Variants in LRFN5 observed in about 807,000 individuals in gnomAD.
LRFN5 encodes the protein leucine rich repeat and fibronectin type III domain containing 5.
In LRFN5, 24 loss-of-function variants were observed where a neutral mutation model predicts 45.6. That is an observed-to-expected ratio of 0.53 (90% CI 0.38 to 0.74). The LOEUF is 0.74. LRFN5 is among the 30% of genes least tolerant of loss of function. LRFN5 has a pLI of 0.00. For missense variants in LRFN5, 776 were observed against 861.5 expected (o/e 0.90, Z 1.24); for synonymous variants, 340 against 313.8 (o/e 1.08, Z -0.88).
At chr14:41,804,441 T>G (rs139824850) in intron 2 of LRFN5, among the ~76,000 whole-genome samples, 1,785 of 152,172 alleles carry the variant, frequency 0.012, 26 homozygotes, top group African/African-American at 0.041. Flanking sequence ...AATAGTGATA[T>G]TACCTGCAGG....
chr14:41,896,997 CAGG>C (rs1890961835), intron 4 of LRFN5, among the ~76,000 whole-genome samples: 1 of 151,692 alleles, frequency 6.6e-6, no homozygotes, highest in Admixed American at 6.6e-5. Flanking sequence ...GAGGCTGAGG[CAGG>C]AGAATCACTT....
intron 2 of LRFN5, among the ~76,000 whole-genome samples, chr14:41,775,027 A>C (rs138239189): frequency 2.0e-3 from 307 of 152,158 alleles, no homozygotes; most frequent in East Asian, 4.3e-3. Context: ...GTAGTAATAC[A>C]ATAAAAGTCC....
chr14:41,782,076 A>C (rs969024032), intron 2 of LRFN5, among the ~76,000 whole-genome samples: 2 of 152,152 alleles, frequency 1.3e-5, no homozygotes, highest in Admixed American at 6.5e-5. Flanking sequence ...TTAATTTAAA[A>C]AAAATTATTG....
chr14:41,898,798 T>C (rs1891018279), intron 4 of LRFN5, 119 bp from the exon 5 acceptor site: 1 of 927,978 alleles, frequency 1.1e-6, no homozygotes. Flanking sequence ...AAAAAATCTT[T>C]AGATAAATCT....
chr14:41,670,300 T>G (rs1479340595), intron 1 of LRFN5, among the ~76,000 whole-genome samples: 1 of 27,826 alleles, frequency 3.6e-5, no homozygotes, highest in Non-Finnish European at 6.6e-5. Flanking sequence ...TATATATATA[T>G]ATATACACAC....
intron 2 of LRFN5, among the ~76,000 whole-genome samples, chr14:41,786,793 A>G (rs1054720185): frequency 2.0e-5 from 3 of 150,636 alleles, no homozygotes; most frequent in East Asian, 4.0e-4. Flanking sequence ...ATACCTTTTT[A>G]TTTCTTTATT....
intron 1 of LRFN5, among the ~76,000 whole-genome samples, chr14:41,649,145 G>T (rs975665123): frequency 2.6e-5 from 4 of 151,996 alleles, no homozygotes; most frequent in African/African-American, 4.8e-5. Context: ...GAGGTGGGGA[G>T]AATTGCTTGA....
intron 1 of LRFN5, among the ~76,000 whole-genome samples, chr14:41,725,574 C>T: frequency 6.6e-6 from 1 of 152,018 alleles, no homozygotes; most frequent in East Asian, 1.9e-4. Flanking sequence ...ATTTTTGGGG[C>T]CAGAACATTT....
At chr14:41,859,602 G>A (rs1348336440) in intron 2 of LRFN5, among the ~76,000 whole-genome samples, 1 of 152,174 alleles carries the variant, frequency 6.6e-6, no homozygotes, top group Non-Finnish European at 1.5e-5. Flanking sequence ...CCATATTTAG[G>A]TAGTGCTATA....
At chr14:41,860,412 T>C (rs1889620241) in intron 2 of LRFN5, among the ~76,000 whole-genome samples, 1 of 152,174 alleles carries the variant, frequency 6.6e-6, no homozygotes. Context: ...GATATCTTCT[T>C]ATATAAACAA....
intron 5 of LRFN5, among the ~76,000 whole-genome samples, chr14:41,899,541 G>T (rs1891043487): frequency 6.6e-6 from 1 of 152,066 alleles, no homozygotes; most frequent in African/African-American, 2.4e-5. Context: ...ATGAGTATTT[G>T]ATTCTTGAAT....
intron 2 of LRFN5, among the ~76,000 whole-genome samples, chr14:41,790,611 A>G (rs1187228803): frequency 6.6e-6 from 1 of 151,190 alleles, no homozygotes; most frequent in East Asian, 1.9e-4. Context: ...TAGTTGCAAT[A>G]CATATTATCG....
intron 2 of LRFN5, among the ~76,000 whole-genome samples, chr14:41,809,726 A>G (rs1270402515): frequency 6.6e-6 from 1 of 151,784 alleles, no homozygotes; most frequent in Non-Finnish European, 1.5e-5. Flanking sequence ...ATGGCAAACA[A>G]AGAAAGATAT....
intron 2 of LRFN5, among the ~76,000 whole-genome samples, chr14:41,861,819 G>A (rs1303444977): frequency 1.3e-5 from 2 of 152,082 alleles, no homozygotes; most frequent in Non-Finnish European, 2.9e-5. Flanking sequence ...CACCACCTTG[G>A]TCAAGAAAAA....
intron 2 of LRFN5, among the ~76,000 whole-genome samples, chr14:41,883,152 A>AT (rs1890446924): frequency 8.2e-6 from 1 of 121,304 alleles, no homozygotes; most frequent in Non-Finnish European, 1.7e-5. Context: ...ACCCCCCGCC[A>AT]TTTCCCCCCT....
At chr14:41,675,021 C>A (rs190917056) in intron 1 of LRFN5, among the ~76,000 whole-genome samples, 4 of 151,706 alleles carry the variant, frequency 2.6e-5, no homozygotes, top group Non-Finnish European at 5.9e-5. Context: ...CGGGCAGAGA[C>A]GCTCCTCACT....
intron 2 of LRFN5, among the ~76,000 whole-genome samples, chr14:41,846,653 A>G (rs532722654): frequency 6.6e-6 from 1 of 152,226 alleles, no homozygotes; most frequent in East Asian, 1.9e-4. Context: ...GCACTTTCCT[A>G]TATGTATGTT....
intron 2 of LRFN5, among the ~76,000 whole-genome samples, chr14:41,835,741 A>C (rs1249053367): frequency 2.0e-5 from 3 of 152,162 alleles, no homozygotes; most frequent in Admixed American, 2.0e-4. Flanking sequence ...AAAACAAAAC[A>C]AAACAAAACA....
At chr14:41,678,000 CAG>C (rs1223144347) in intron 1 of LRFN5, among the ~76,000 whole-genome samples, 1 of 151,840 alleles carries the variant, frequency 6.6e-6, no homozygotes, top group African/African-American at 2.4e-5. Context: ...AAAATATTGT[CAG>C]AGATTGTCAT....
Sources: gnomAD v4.1 joint callset for allele counts (sites outside exome capture counted in the v4.1 genomes callset) on GRCh38, gnomAD v4.1.1 for gene constraint, MANE v1.5 for transcripts, NCBI Gene and HGNC (gene_info 2026-07-23, HGNC 2026-07-21) for gene names.